Variants in CFAP47 observed in about 807,000 individuals in gnomAD.
The protein encoded by CFAP47 is cilia- and flagella-associated protein 47.
In CFAP47, 29 loss-of-function variants were observed where a neutral mutation model predicts 148.1. The ratio of observed to expected loss-of-function variants is 0.20; its 90% CI spans 0.15 to 0.27. The LOEUF is 0.27. CFAP47 is among the 10% of genes least tolerant of loss of function. The pLI is 1.00. For synonymous variants in CFAP47, 664 were observed against 577.3 expected (o/e 1.15, Z -2.15); for missense variants, 1,872 against 1,697.5 (o/e 1.10, Z -1.81).
chrX:36,053,467 T>C, intron 26 of CFAP47, among the ~76,000 whole-genome samples: 1 of 111,678 alleles, frequency 9.0e-6, no homozygotes, highest in Middle Eastern at 4.7e-3. Flanking sequence ...GAGTTATGCA[T>C]AATACCATAC....
intron 62 of CFAP47, among the ~76,000 whole-genome samples, chrX:36,372,873 G>A: frequency 8.9e-6 from 1 of 111,779 alleles, no homozygotes; most frequent in Non-Finnish European, 1.9e-5. Flanking sequence ...TTACTTGACA[G>A]CATATGCTTA....
chrX:36,138,249 A>G, intron 34 of CFAP47, 99 bp from the exon 35 acceptor site: 1 of 849,976 alleles, frequency 1.2e-6, no homozygotes, highest in Non-Finnish European at 1.6e-6. Context: ...ACTGACAAAT[A>G]TTAATATTTA....
intron 49 of CFAP47, among the ~76,000 whole-genome samples, chrX:36,255,421 TG>T (rs1940738810): frequency 8.9e-6 from 1 of 112,708 alleles, no homozygotes; most frequent in South Asian, 3.6e-4. Flanking sequence ...TTAAGGCTCC[TG>T]AAGCTGGGAT....
At chrX:36,209,517 G>A (rs782186631) in intron 45 of CFAP47, among the ~76,000 whole-genome samples, 1 of 110,557 alleles carries the variant, frequency 9.0e-6, no homozygotes, top group South Asian at 3.8e-4. Context: ...AAATTGGCAA[G>A]AGCAAGGAAA....
At chrX:36,111,564 AT>A (rs1335967867) in intron 33 of CFAP47, among the ~76,000 whole-genome samples, 1 of 110,987 alleles carries the variant, frequency 9.0e-6, no homozygotes, top group Non-Finnish European at 1.9e-5. Flanking sequence ...TGAAGATTTC[AT>A]TTTTTTGTTG....
At chrX:36,138,191 A>C (rs915441886) in intron 34 of CFAP47, 136 bp downstream of exon 34, 5 of 584,362 alleles carry the variant, frequency 8.6e-6, no homozygotes, top group Non-Finnish European at 9.9e-6. Context: ...CTGCATGGCC[A>C]GCACTACCTT....
At chrX:35,967,058 C>T (rs1936417889) in intron 9 of CFAP47, among the ~76,000 whole-genome samples, 1 of 110,842 alleles carries the variant, frequency 9.0e-6, no homozygotes, top group Non-Finnish European at 1.9e-5. Flanking sequence ...GTCTGTGTTA[C>T]GGCCCAAAGA....
At chrX:35,944,891 G>A (rs1189922996) in intron 3 of CFAP47, among the ~76,000 whole-genome samples, 1 of 111,990 alleles carries the variant, frequency 8.9e-6, no homozygotes, top group Non-Finnish European at 1.9e-5. Context: ...CTTATCAGTG[G>A]GCAAGTCTAT....
At chrX:35,976,323 T>C (rs934375068) in intron 15 of CFAP47, among the ~76,000 whole-genome samples, 14 of 111,262 alleles carry the variant, frequency 1.3e-4, no homozygotes, top group African/African-American at 4.6e-4. Context: ...TTATTATTCC[T>C]CCTGGGACAT....
chrX:35,962,162 A>G lies in CFAP47; in HGVS notation c.1411-4403A>G, dbSNP rs1402645909. Among the ~76,000 whole-genome samples the G allele has an allele frequency of 2.7e-5, 3 of 111,541 alleles. No homozygotes were observed. In the East Asian group the frequency reaches 8.4e-4, roughly 31 times the overall value. ...TCTCTTATTGATTTTAATTCATTGCATTTTGGTTGGAAAACATACTGCACA... is the reference window on the plus strand; with the variant it reads ...TCTCTTATTGATTTTAATTCATTGCGTTTTGGTTGGAAAACATACTGCACA... On this transcript the variant is annotated intron_variant, in intron 8 of 63. Coordinates refer to ENST00000378653, the MANE Select transcript of CFAP47 (RefSeq NM_001304548.2).
chrX:36,325,547 G>A (rs1316595630), intron 57 of CFAP47, among the ~76,000 whole-genome samples: 1 of 111,780 alleles, frequency 8.9e-6, no homozygotes, highest in Admixed American at 9.5e-5. Flanking sequence ...AGGGTAGTGG[G>A]TAGGAAGTGT....
chrX:36,043,046 A>T (rs1937425048), intron 25 of CFAP47, among the ~76,000 whole-genome samples: 1 of 111,740 alleles, frequency 8.9e-6, no homozygotes, highest in African/African-American at 3.2e-5. Context: ...TGGAGATAGA[A>T]AGTTATTATT....
chrX:36,200,637 A>G (rs1406543271), intron 43 of CFAP47, 144 bp downstream of exon 43: 1 of 277,704 alleles, frequency 3.6e-6, no homozygotes, highest in African/African-American at 2.8e-5. Context: ...TTATGTCAGT[A>G]TCCATGAAAT....
chrX:35,919,865 A>G lies in CFAP47; in HGVS notation c.66A>G (p.Gln22=). 1 of 1,209,814 alleles carries G rather than the reference A, an allele frequency of 8.3e-7. No individual in the cohort carries two copies. The highest frequency in any genetic ancestry group is 1.1e-6 in the Non-Finnish European group (1 of 894,698). The change falls in exon 1 of 64, where the codon CAA becomes CAG. Residue 22 remains glutamine (Q), a synonymous_variant. Coordinates refer to ENST00000378653, the MANE Select transcript of CFAP47 (RefSeq NM_001304548.2). ...VHRGSLAMSI[Q]RGSLVPRDMD... ...GAGGTTCCCTCGCCATGAGCATCCA[A>G]AGGGGTTCCCTCGTCCCCCGGGATA...
At chrX:36,231,026 G>A (rs1341118391) in intron 46 of CFAP47, among the ~76,000 whole-genome samples, 1 of 105,461 alleles carries the variant, frequency 9.5e-6, no homozygotes, top group Middle Eastern at 4.8e-3. Context: ...TTGTAATATA[G>A]TTTGAAGTCA....
chrX:36,012,738 G>A (rs1246878867), intron 21 of CFAP47, among the ~76,000 whole-genome samples: 1 of 111,208 alleles, frequency 9.0e-6, no homozygotes, highest in Non-Finnish European at 1.9e-5. Flanking sequence ...CCTAGATGAC[G>A]GGTTGTTAGG....
chrX:35,972,865 T>G (rs1055185098), intron 13 of CFAP47, among the ~76,000 whole-genome samples: 3 of 111,170 alleles, frequency 2.7e-5, no homozygotes, highest in Admixed American at 9.6e-5. Flanking sequence ...AGGAGTGGAA[T>G]TGCTGGGTTG....
At chrX:36,026,594 A>G (rs976039073) in intron 22 of CFAP47, among the ~76,000 whole-genome samples, 3 of 110,744 alleles carry the variant, frequency 2.7e-5, no homozygotes, top group African/African-American at 6.6e-5. Context: ...TTATTTTTGT[A>G]CTCTTAATAG....
intron 26 of CFAP47, among the ~76,000 whole-genome samples, chrX:36,049,488 TCACA>T (rs397895931): frequency 0.1 from 9,436 of 92,133 alleles, 984 homozygotes; most frequent in African/African-American, 0.33. Context: ...TTTCTCTCTC[TCACA>T]CACACACACA....
Sources: allele counts gnomAD v4.1 joint callset (sites outside exome capture counted in the v4.1 genomes callset), GRCh38; gene constraint gnomAD v4.1.1; transcripts MANE v1.5; gene names NCBI Gene and HGNC (gene_info 2026-07-23, HGNC 2026-07-21).